STK3: variants seen among roughly 807,000 people sequenced by gnomAD.
STK3 encodes serine/threonine kinase 3.
STK3 carries 41 observed loss-of-function variants against 58.0 expected under a neutral mutation model. The observed-to-expected ratio is 0.71, with a 90% CI of 0.55 to 0.92. STK3 has a LOEUF of 0.92. Ranked by LOEUF, STK3 falls within the 40% of genes least tolerant of loss-of-function variation. STK3 has a pLI of 0.00. For synonymous variants in STK3, 170 were observed against 191.0 expected (o/e 0.89, Z 0.91); for missense variants, 479 against 602.7 (o/e 0.79, Z 2.15).
downstream of STK3, among the ~76,000 whole-genome samples, chr8:98,453,110 CAG>C (rs1461533118): frequency 1.6e-5 from 1 of 61,678 alleles, no homozygotes; most frequent in Non-Finnish European, 2.8e-5. Flanking sequence ...TTTTTCGAGA[CAG>C]AGTCTCGCTC....
downstream of STK3, among the ~76,000 whole-genome samples, chr8:98,400,183 G>C (rs971640395): frequency 2.1e-4 from 32 of 152,164 alleles, no homozygotes; most frequent in Non-Finnish European, 3.2e-4. Flanking sequence ...AGCCCCCAGA[G>C]GGGGAGCCAG....
chr8:98,858,309 TATATATATATATATAG>T (rs1836762926), intron 3 of STK3, among the ~76,000 whole-genome samples: 2 of 70,932 alleles, frequency 2.8e-5, no homozygotes, highest in African/African-American at 5.3e-5. Context: ...TATATATATA[TATATATATATATATAG>T]AGAGAGAGAG....
chr8:98,584,690 G>C (rs1292712281), intron 7 of STK3, among the ~76,000 whole-genome samples: 2 of 150,376 alleles, frequency 1.3e-5, no homozygotes, highest in East Asian at 2.0e-4. Context: ...TTCCACAATG[G>C]TTGAACTAGT....
chr8:98,548,738 T>A (rs1810925026), intron 8 of STK3, among the ~76,000 whole-genome samples: 1 of 152,156 alleles, frequency 6.6e-6, no homozygotes, highest in Admixed American at 6.6e-5. Flanking sequence ...TCCCCAGCCC[T>A]GGCAACCTCT....
chr8:98,901,443 A>T (rs1432460875), intron 1 of STK3, among the ~76,000 whole-genome samples: 2 of 152,250 alleles, frequency 1.3e-5, no homozygotes, highest in African/African-American at 4.8e-5. Context: ...ACATTGGTTT[A>T]AGAGAGGGAG....
intron 3 of STK3, among the ~76,000 whole-genome samples, chr8:98,408,389 G>A (rs570483825): frequency 6.6e-6 from 1 of 152,334 alleles, no homozygotes; most frequent in East Asian, 1.9e-4. Flanking sequence ...AAGATTCAGT[G>A]ATGTAGAACA....
At chr8:98,836,616 T>C (rs1835757590) in intron 3 of STK3, among the ~76,000 whole-genome samples, 1 of 152,244 alleles carries the variant, frequency 6.6e-6, no homozygotes, top group African/African-American at 2.4e-5. Flanking sequence ...ATATTAAACT[T>C]TTCCTGTTCA....
At chr8:98,872,311 T>C (rs1002238103) in intron 3 of STK3, among the ~76,000 whole-genome samples, 2 of 152,198 alleles carry the variant, frequency 1.3e-5, no homozygotes, top group African/African-American at 4.8e-5. Flanking sequence ...TCTCTTTTTT[T>C]GTTGTGTCTC....
At chr8:98,466,655 G>A (rs574350253) in intron 10 of STK3, among the ~76,000 whole-genome samples, 212 of 152,282 alleles carry the variant, frequency 1.4e-3, no homozygotes, top group African/African-American at 4.3e-3. Flanking sequence ...AGTGAGGTAT[G>A]TTTCCCTGGT....
rs1468056459 is a variant in STK3 at position 98,774,815 on chromosome 8, GTTTACT to G, written c.27-2_30del. The stretch of plus-strand genomic sequence containing the variant: ...AAACTGTCTTCACTCAGCTTTTTTA[GTTTACT>G]GATTTAAAAAAGAAAGAAGAAAGAA... On this transcript the variant is annotated splice_acceptor_variant and coding_sequence_variant, in exon 2 of 11. Transcript: ENST00000419617. LOFTEE classifies it high-confidence loss of function. The G allele has an allele frequency of 6.5e-7, 1 of 1,543,452 alleles. No individual in the cohort carries two copies. The highest frequency in any genetic ancestry group is 1.3e-5 in the South Asian group (1 of 74,954).
At chr8:98,813,044 A>AG (rs1485005992) in intron 1 of STK3, among the ~76,000 whole-genome samples, 2 of 151,834 alleles carry the variant, frequency 1.3e-5, no homozygotes, top group Non-Finnish European at 2.9e-5. Context: ...ATAAAAAAAA[A>AG]AAAAAGAAAG....
chr8:98,413,748 T>C (rs922159525), intron 3 of STK3: 8 of 724,930 alleles, frequency 1.1e-5, no homozygotes, highest in African/African-American at 1.0e-4. Flanking sequence ...GGTCAGGTCA[T>C]GCCTGACCCC....
intron 3 of STK3, among the ~76,000 whole-genome samples, chr8:98,426,301 C>G (rs901990187): frequency 6.6e-6 from 1 of 152,150 alleles, no homozygotes; most frequent in African/African-American, 2.4e-5. Flanking sequence ...CCTGTGCCGA[C>G]GCATCTTCCC....
At chr8:98,358,749 C>T in the STK3 span, among the ~76,000 whole-genome samples, 1 of 152,016 alleles carries the variant, frequency 6.6e-6, no homozygotes, top group East Asian at 1.9e-4. Flanking sequence ...TTTTTTGCTG[C>T]AGTGAAGCGC....
chr8:98,489,173 T>C (rs769037526), intron 10 of STK3, among the ~76,000 whole-genome samples: 1 of 152,092 alleles, frequency 6.6e-6, no homozygotes, highest in African/African-American at 2.4e-5. Context: ...TTAGATTACA[T>C]TCCTAGAAGT....
At chr8:98,931,660 A>T (rs1476966308) in intron 1 of STK3, among the ~76,000 whole-genome samples, 2 of 152,194 alleles carry the variant, frequency 1.3e-5, no homozygotes, top group Non-Finnish European at 2.9e-5. Flanking sequence ...AGTACAAAAA[A>T]CTTTGCTGAC....
chr8:98,384,433 C>T (rs115302214), intron 1 of STK3, among the ~76,000 whole-genome samples: 155 of 152,248 alleles, frequency 1.0e-3, no homozygotes, highest in African/African-American at 3.2e-3. Flanking sequence ...TTTGTTTCTG[C>T]GTTTTGTTCA....
chr8:98,728,406 C>T (rs1377927813), intron 4 of STK3, among the ~76,000 whole-genome samples: 5 of 152,078 alleles, frequency 3.3e-5, no homozygotes, highest in Non-Finnish European at 7.4e-5. Context: ...CTGGATTGCA[C>T]ATGTCTGGCA....
At chr8:98,665,742 C>A (rs932975321) in intron 6 of STK3, among the ~76,000 whole-genome samples, 1 of 148,448 alleles carries the variant, frequency 6.7e-6, no homozygotes, top group Non-Finnish European at 1.5e-5. Context: ...CTTGCTCTGT[C>A]GCCCAGGCTG....
Sources: allele counts gnomAD v4.1 joint callset (sites outside exome capture counted in the v4.1 genomes callset), GRCh38; gene constraint gnomAD v4.1.1; transcripts MANE v1.5; gene names NCBI Gene and HGNC (gene_info 2026-07-23, HGNC 2026-07-21).